Variants in ORC4 observed in about 807,000 individuals in gnomAD.
The protein encoded by ORC4 is origin recognition complex, subunit 4 homolog.
In ORC4, 55 loss-of-function variants were observed where a neutral mutation model predicts 63.9. That is an observed-to-expected ratio of 0.86 (90% CI 0.69 to 1.08). The LOEUF is 1.08. Ranked by LOEUF, ORC4 falls within the 50% of genes least tolerant of loss-of-function variation. The pLI is 0.00. For missense variants in ORC4, 511 were observed against 504.4 expected, an observed-to-expected ratio of 1.01 and a Z score of -0.13; for synonymous variants, 150 against 168.5, an observed-to-expected ratio of 0.89 and a Z score of 0.85.
Position 147,980,011 on chromosome 2 carries a change from G to T in ORC4, c.-17-4036C>A, listed in dbSNP as rs571259312. On this transcript the variant is annotated intron_variant, in intron 1 of 13. Transcript: ENST00000392857. ...GCTTTTTGACACTGGACTCGGCAAA[G>T]ATTTTTTTGGGATATGACTCCAAAA... Among the ~76,000 whole-genome samples the T allele has an allele frequency of 2.1e-4, 32 of 152,250 alleles. 1 individual carries two copies. Among genetic ancestry groups the T allele is most frequent in the African/African-American group, 6.5e-4 (27 of 41,572 alleles).
intron 10 of ORC4, among the ~76,000 whole-genome samples, chr2:147,940,367 A>T (rs1373466229): frequency 1.3e-5 from 2 of 152,080 alleles, no homozygotes; most frequent in Non-Finnish European, 2.9e-5. Flanking sequence ...TAAAGAACTA[A>T]AAGTAGAACT....
At chr2:147,973,401 G>T in intron 3 of ORC4, 47 bp downstream of exon 3, 1 of 1,094,770 alleles carries the variant, frequency 9.1e-7, no homozygotes, top group Non-Finnish European at 1.4e-6. Flanking sequence ...AACCTGGAAG[G>T]CATCTGTAAG....
Position 147,935,199 on chromosome 2 carries a change from G to T in ORC4, c.*311C>A. 3.2e-6 allele frequency: 1 copy of T among 310,228 alleles called. No homozygotes were observed. The highest frequency in any genetic ancestry group is 3.9e-5 in the South Asian group (1 of 25,582). 19.2% of individuals were successfully genotyped at this position (310,228 alleles called of 1,614,324 possible). ...GGTTTGTAAAGACATCTAGCTGTTA[G>T]GTTGAAGTGAGCTCTTCAAATAGAC... is the stretch of plus-strand genomic sequence containing the variant. On this transcript the variant is annotated 3_prime_UTR_variant, in exon 14 of 14. Coordinates refer to ENST00000392857, the MANE Select transcript of ORC4 (RefSeq NM_181741.4).
chr2:147,963,155 C>T (rs143317962), intron 4 of ORC4, among the ~76,000 whole-genome samples: 520 of 152,258 alleles, frequency 3.4e-3, no homozygotes, highest in East Asian at 8.3e-3. Context: ...CATGTGCCCA[C>T]GTCGCTAACC....
At chr2:147,959,708 A>G (rs1689476644) in intron 4 of ORC4, among the ~76,000 whole-genome samples, 1 of 152,154 alleles carries the variant, frequency 6.6e-6, no homozygotes, top group Admixed American at 6.5e-5. Context: ...TAACAAGACA[A>G]CAAAAATAAA....
chr2:147,987,112 G>GTC (rs1691249584), intron 1 of ORC4, among the ~76,000 whole-genome samples: 1 of 150,348 alleles, frequency 6.7e-6, no homozygotes, highest in African/African-American at 2.4e-5. Context: ...AGATCCTTCC[G>GTC]TCTCAGCCTC....
chr2:147,986,507 T>C (rs191102133), intron 1 of ORC4, among the ~76,000 whole-genome samples: 1 of 152,228 alleles, frequency 6.6e-6, no homozygotes, highest in East Asian at 1.9e-4. Context: ...GGACTCAGCC[T>C]GAAAAACACC....
chr2:147,995,855 C>T (rs533796647), intron 1 of ORC4, among the ~76,000 whole-genome samples: 25 of 152,138 alleles, frequency 1.6e-4, no homozygotes, highest in East Asian at 1.9e-4. Context: ...GTCAGCGAGA[C>T]GAAGAACCCA....
rs565023604 is a variant in ORC4, at chr2:147,973,494, G to A, written c.88C>T (p.Arg30Cys). 1.0e-5 allele frequency: 16 copies of A among 1,603,406 alleles called. No individual in the cohort carries two copies. The highest frequency in any genetic ancestry group is 3.3e-4 in the Middle Eastern group (2 of 6,032). Residue 30 changes from arginine (R) to cysteine (C), a missense_variant, in exon 3 of 14, where the codon CGT becomes TGT. Coordinates refer to ENST00000392857, the MANE Select transcript of ORC4 (RefSeq NM_181741.4). ...VQRILRERFC[R>C]QSPHSNLFGV... ...AATAGGTTACTATGTGGACTCTGAC[G>A]ACAAAATCTTTCACGTAAAATTCTT...
intron 1 of ORC4, among the ~76,000 whole-genome samples, chr2:147,987,917 G>T (rs540558045): frequency 1.3e-5 from 2 of 151,954 alleles, no homozygotes; most frequent in Admixed American, 1.3e-4. Context: ...GCCAGGTGTG[G>T]TGGCCGGCGC....
At chr2:148,021,282 G>C (rs549158845), upstream of ORC4, 55 of 359,072 alleles carry the variant, frequency 1.5e-4, 1 homozygote, top group Admixed American at 3.9e-4. Context: ...GCCCTGAGAG[G>C]GGGATTGAGC....
intron 13 of ORC4, among the ~76,000 whole-genome samples, chr2:147,937,599 A>G (rs1387562925): frequency 1.1e-4 from 16 of 152,198 alleles, no homozygotes; most frequent in Non-Finnish European, 2.2e-4. Flanking sequence ...CATTAAATAT[A>G]TAATTAAAAT....
Position 147,939,142 on chromosome 2 carries a change from T to C in ORC4, c.956A>G (p.His319Arg), listed in dbSNP as rs2105259429. The change falls in exon 11 of 14, where the codon CAT (histidine) becomes CGT (arginine). Residue 319 changes from histidine (H) to arginine (R), a missense_variant and splice_region_variant. Physicochemically the swap from His to Arg is conservative, Grantham distance 29. Coordinates refer to ENST00000392857, the MANE Select transcript of ORC4 (RefSeq NM_181741.4). The part of the protein sequence containing the change: ...CSMDSKANIV[H>R]GLSVLEICLI... ...AAAAAATAAGGCTGGGTTCTCACCA[T>C]GTACAATATTTGCTTTCGAGTCCAT... The C allele has an allele frequency of 1.3e-6, 2 of 1,575,094 alleles. No homozygotes were observed. Among genetic ancestry groups the C allele is most frequent in the South Asian group, 1.1e-5 (1 of 90,298 alleles).
chr2:147,943,602 G>T, intron 9 of ORC4, 80 bp from the exon 10 acceptor site: 2 of 790,244 alleles, frequency 2.5e-6, no homozygotes, highest in Non-Finnish European at 2.1e-6. Context: ...TGCCTTACTG[G>T]TTGGTGTACC....
chr2:147,945,817 T>A (rs1430700177), intron 9 of ORC4, among the ~76,000 whole-genome samples: 2 of 151,970 alleles, frequency 1.3e-5, no homozygotes, highest in African/African-American at 4.8e-5. Context: ...AAAGAATAGC[T>A]CCCTTAATGC....
chr2:147,991,987 G>A (rs1259805328), intron 1 of ORC4, among the ~76,000 whole-genome samples: 1 of 152,084 alleles, frequency 6.6e-6, no homozygotes, highest in African/African-American at 2.4e-5. Context: ...GTCTTAAAAT[G>A]CATTTACTTC....
chr2:147,999,213 G>A (rs1692153367), intron 1 of ORC4, among the ~76,000 whole-genome samples: 2 of 152,128 alleles, frequency 1.3e-5, no homozygotes, highest in Admixed American at 6.6e-5. Context: ...TTCATCAGAG[G>A]CCATGAGGCT....
At chr2:147,936,299 CCTT>C (rs1688047280) in intron 13 of ORC4, 1 of 153,194 alleles carries the variant, frequency 6.5e-6, no homozygotes, top group South Asian at 2.0e-4. Context: ...ACTGTCACAA[CCTT>C]CTTCCATCTT....
intron 9 of ORC4, chr2:147,947,782 A>G (rs1351399491): frequency 4.6e-6 from 1 of 219,688 alleles, no homozygotes; most frequent in Non-Finnish European, 8.9e-6. Flanking sequence ...ATACAGATAA[A>G]ACTAAAGCCT....
Sources: allele counts gnomAD v4.1 joint callset (sites outside exome capture counted in the v4.1 genomes callset), GRCh38; gene constraint gnomAD v4.1.1; transcripts MANE v1.5; gene names NCBI Gene and HGNC (gene_info 2026-07-23, HGNC 2026-07-21).